The following DPP10 variants were observed in gnomAD, a reference collection of about 807,000 sequenced individuals.
The protein encoded by DPP10 is dipeptidyl peptidase like 10.
Under a neutral mutation model 120.9 loss-of-function variants are expected in DPP10, and 33 were observed. The observed-to-expected ratio is 0.27, with a 90% confidence interval of 0.21 to 0.37. The LOEUF is 0.37. Among genes scored for constraint, DPP10 ranks in the 10% least tolerant of loss-of-function variants. The pLI is 1.00. For missense variants in DPP10, 816 were observed against 942.8 expected (o/e 0.87, Z 1.76); for synonymous variants, 337 against 326.1 (o/e 1.03, Z -0.36).
chr2:114,450,128 T>C (rs1038089414), intron 1 of DPP10, among the ~76,000 whole-genome samples: 1 of 152,114 alleles, frequency 6.6e-6, no homozygotes, highest in Non-Finnish European at 1.5e-5. Flanking sequence ...GGAATAAATA[T>C]AGGCTTCATA....
intron 7 of DPP10, 34 bp from the exon 8 acceptor site, chr2:115,727,782 G>T: frequency 1.9e-6 from 3 of 1,561,832 alleles, no homozygotes; most frequent in South Asian, 2.4e-5. Context: ...CTAACGTGTT[G>T]GATTTTTTGT....
intron 19 of DPP10, among the ~76,000 whole-genome samples, chr2:115,803,937 T>C (rs1685586989): frequency 6.6e-6 from 1 of 152,158 alleles, no homozygotes; most frequent in African/African-American, 2.4e-5. Flanking sequence ...AGCAGTATCT[T>C]TGTGGCATTC....
intron 1 of DPP10, among the ~76,000 whole-genome samples, chr2:114,737,646 A>G (rs1677583317): frequency 6.6e-6 from 1 of 152,210 alleles, no homozygotes. Flanking sequence ...ACAGAGTCAC[A>G]TGGTGATCTG....
chr2:114,671,367 G>T (rs1036292463), intron 1 of DPP10, among the ~76,000 whole-genome samples: 35 of 151,978 alleles, frequency 2.3e-4, no homozygotes, highest in Admixed American at 5.2e-4. Context: ...TTGGATATTC[G>T]TCTCCTCCTA....
At chr2:115,080,872 C>A (rs1708215498) in intron 1 of DPP10, among the ~76,000 whole-genome samples, 1 of 152,168 alleles carries the variant, frequency 6.6e-6, no homozygotes, top group Non-Finnish European at 1.5e-5. Flanking sequence ...CCGTTTTTAT[C>A]AGCATTCCTG....
rs78553985 is a variant in DPP10 at position 115,416,621 on chromosome 2, A to G, written c.271+72709A>G. Among the ~76,000 whole-genome samples, 488 of 152,310 alleles carry G rather than the reference A, an allele frequency of 3.2e-3. 2 individuals are homozygous for G. Among genetic ancestry groups the G allele is most frequent in the Admixed American group, 5.2e-3 (79 of 15,292 alleles). ...TTATACTGAAGAGGAGGAGCTAGGAAAATCTTCCTTAGATATTCAGATACT... is the reference window on the plus strand; with the variant it reads ...TTATACTGAAGAGGAGGAGCTAGGAGAATCTTCCTTAGATATTCAGATACT... On this transcript the variant is annotated intron_variant, in intron 3 of 25. Coordinates refer to ENST00000410059, the MANE Select transcript of DPP10 (RefSeq NM_020868.6).
intron 1 of DPP10, among the ~76,000 whole-genome samples, chr2:115,199,721 G>T (rs1223984705): frequency 6.6e-6 from 1 of 152,090 alleles, no homozygotes; most frequent in East Asian, 1.9e-4. Flanking sequence ...CAAGACTGAA[G>T]AGATGATGAT....
chr2:115,579,096 T>C (rs1488697799), intron 5 of DPP10: 1 of 152,252 alleles, frequency 6.6e-6, no homozygotes, highest in African/African-American at 2.4e-5. Context: ...TTTACATTTT[T>C]TTTCCCATTT....
chr2:114,675,476 A>T, intron 1 of DPP10, among the ~76,000 whole-genome samples: 1 of 152,140 alleles, frequency 6.6e-6, no homozygotes. Flanking sequence ...CACGTGGGTA[A>T]AAAGGCCATC....
At chr2:115,234,743 C>A (rs892257484) in intron 1 of DPP10, 4 of 152,124 alleles carry the variant, frequency 2.6e-5, no homozygotes, top group African/African-American at 9.7e-5. Context: ...ATATATAATT[C>A]TTTCTCATTC....
At chr2:115,510,508 A>G (rs1040349763) in intron 4 of DPP10, among the ~76,000 whole-genome samples, 1 of 152,094 alleles carries the variant, frequency 6.6e-6, no homozygotes, top group African/African-American at 2.4e-5. Context: ...ATTAATCTAT[A>G]TGTTTATCCT....
intron 1 of DPP10, among the ~76,000 whole-genome samples, chr2:114,498,410 A>C (rs1682866404): frequency 6.6e-6 from 1 of 152,150 alleles, no homozygotes. Flanking sequence ...TATAACTGAG[A>C]TCTCAAACAA....
intron 1 of DPP10, among the ~76,000 whole-genome samples, chr2:115,104,262 C>G (rs921243279): frequency 2.1e-5 from 3 of 143,878 alleles, no homozygotes; most frequent in African/African-American, 5.2e-5. Context: ...CTCACTGCAG[C>G]CTTGACCTCC....
At chr2:115,199,035 C>T (rs1472107117) in intron 1 of DPP10, among the ~76,000 whole-genome samples, 2 of 152,056 alleles carry the variant, frequency 1.3e-5, no homozygotes, top group African/African-American at 2.4e-5. Context: ...AGAGGCTAAT[C>T]ATGATAATGT....
At chr2:114,613,470 T>C (rs1693437106) in intron 1 of DPP10, among the ~76,000 whole-genome samples, 1 of 152,168 alleles carries the variant, frequency 6.6e-6, no homozygotes, top group Admixed American at 6.5e-5. Flanking sequence ...AAACAACAGA[T>C]GCTGGTGAAG....
chr2:114,688,509 G>C (rs1032707659), intron 1 of DPP10, among the ~76,000 whole-genome samples: 3 of 151,880 alleles, frequency 2.0e-5, no homozygotes, highest in Admixed American at 1.3e-4. Context: ...GGCTAGAAAA[G>C]CTTCTTAGGA....
intron 17 of DPP10, among the ~76,000 whole-genome samples, 155 bp from the exon 18 acceptor site, chr2:115,790,926 T>G (rs1683902416): frequency 6.6e-6 from 1 of 152,230 alleles, no homozygotes; most frequent in Admixed American, 6.5e-5. Context: ...TGAAGCTTAC[T>G]TAGAAAACTG....
intron 5 of DPP10, among the ~76,000 whole-genome samples, chr2:115,605,527 C>T (rs540455271): frequency 2.6e-5 from 4 of 151,918 alleles, no homozygotes; most frequent in South Asian, 2.1e-4. Context: ...GGGAAGTACT[C>T]GGCATTTGAT....
At chr2:115,610,016 G>A (rs2083983845) in intron 5 of DPP10, among the ~76,000 whole-genome samples, 1 of 152,130 alleles carries the variant, frequency 6.6e-6, no homozygotes, top group Non-Finnish European at 1.5e-5. Context: ...AAAACATTAA[G>A]TATTTATTAT....
Sources: allele counts gnomAD v4.1 joint callset (sites outside exome capture counted in the v4.1 genomes callset), GRCh38; gene constraint gnomAD v4.1.1; transcripts MANE v1.5; gene names NCBI Gene and HGNC (gene_info 2026-07-23, HGNC 2026-07-21).